BPTF: variants seen among roughly 807,000 people sequenced by gnomAD.
BPTF encodes bromodomain PHD finger transcription factor, also known as nucleosome-remodeling factor subunit BPTF.
BPTF carries 18 observed loss-of-function variants against 292.5 expected under a neutral mutation model. The observed-to-expected ratio is 0.06, with a 90% CI of 0.04 to 0.09. BPTF has a LOEUF of 0.09. Ranked by LOEUF, BPTF falls within the 10% of genes least tolerant of loss-of-function variation. BPTF has a pLI of 1.00. For missense variants in BPTF, 2,726 were observed against 3,498.7 expected (o/e 0.78, Z 5.57); for synonymous variants, 1,225 against 1,251.9 (o/e 0.98, Z 0.45).
chr17:67,982,119 A>G (rs1466432758), intron 27 of BPTF, 133 bp from the exon 28 acceptor site: 5 of 812,438 alleles, frequency 6.2e-6, no homozygotes, highest in East Asian at 2.6e-5. Flanking sequence ...GTTCTTTTCT[A>G]TTCGCTTGCC....
chr17:67,901,082 G>A (rs2061803692), intron 7 of BPTF, among the ~76,000 whole-genome samples: 1 of 151,966 alleles, frequency 6.6e-6, no homozygotes, highest in African/African-American at 2.4e-5. Context: ...AAAAATAGAT[G>A]TTAGTGAAAA....
In BPTF at chr17:67,912,403, A is replaced by G. The variant is rs1454329121; in HGVS notation, c.4519A>G (p.Thr1507Ala). The G allele has an allele frequency of 2.5e-6, 4 of 1,614,138 alleles. No individual in the cohort carries two copies. In the East Asian group the frequency reaches 8.9e-5, roughly 36 times the overall value. The stretch of plus-strand genomic sequence containing the variant: ...AGATAGCCTTGAGACCCTGCCATCA[A>G]CCAAAGAGTCTGACAGTACACAGAC... Reference protein sequence around the residue: ...YRDSLETLPSTKESDSTQTTT... With the variant: ...YRDSLETLPSAKESDSTQTTT... The change falls in exon 11 of 28, where the codon ACC (threonine) becomes GCC (alanine). Residue 1507 changes from threonine to alanine, a missense_variant. By Grantham distance (58) the Thr-to-Ala change is moderately conservative (BLOSUM62 0). This residue lies in a region of BPTF where 713 missense variants were observed against 714.9 expected (regional missense o/e 1.00). Coordinates refer to ENST00000306378, the MANE Select transcript of BPTF (RefSeq NM_182641.4).
At chr17:67,938,994 T>C (rs926490732) in intron 18 of BPTF, among the ~76,000 whole-genome samples, 14 of 152,300 alleles carry the variant, frequency 9.2e-5, no homozygotes, top group African/African-American at 2.9e-4. Context: ...TATTTTACTT[T>C]ACTGGTGATA....
At position 67,909,688 on chromosome 17, in the gene BPTF, A is replaced by G; in HGVS notation, c.2919A>G (p.Lys973=). ...CTGATTCTGAAAAAGATGAGGTAAA[A>G]GGTTCAGATGCTGCAAAAGGAGCAG... The part of the protein sequence containing the change: ...IEPDSEKDEV[K]GSDAAKGADQ... Residue 973 remains lysine, a synonymous_variant, in exon 10 of 28, where the codon AAA becomes AAG. Coordinates refer to ENST00000306378, the MANE Select transcript of BPTF (RefSeq NM_182641.4). 1 of 1,601,958 alleles carries G rather than the reference A, an allele frequency of 6.2e-7. No homozygotes were observed. Among genetic ancestry groups the G allele is most frequent in the Admixed American group, 1.7e-5 (1 of 57,790 alleles).
At chr17:67,845,808 CTA>C (rs1046081371) in intron 1 of BPTF, among the ~76,000 whole-genome samples, 1 of 149,300 alleles carries the variant, frequency 6.7e-6, no homozygotes, top group East Asian at 1.9e-4. Flanking sequence ...ATATTTATAA[CTA>C]TGTATTTATA....
chr17:67,947,617 C>T, intron 21 of BPTF, 109 bp from the exon 22 acceptor site: 1 of 818,606 alleles, frequency 1.2e-6, no homozygotes, highest in Middle Eastern at 3.6e-4. Flanking sequence ...AAAATTCTTA[C>T]AGTTTCTTTA....
At chr17:67,910,739 G>A (rs1478691729) in intron 10 of BPTF, 138 bp from the exon 11 acceptor site, 8 of 483,928 alleles carry the variant, frequency 1.7e-5, no homozygotes, top group Middle Eastern at 6.4e-4. Flanking sequence ...GGCGGAGGTT[G>A]CAGTGAACTG....
chr17:67,930,563 GA>G (rs2064292343), intron 17 of BPTF, among the ~76,000 whole-genome samples: 1 of 152,060 alleles, frequency 6.6e-6, no homozygotes, highest in Admixed American at 6.6e-5. Flanking sequence ...TAGCATTGTG[GA>G]AAAAGGTTTA....
intron 19 of BPTF, among the ~76,000 whole-genome samples, chr17:67,941,133 C>T (rs550801481): frequency 1.7e-4 from 26 of 152,088 alleles, no homozygotes; most frequent in Non-Finnish European, 3.4e-4. Flanking sequence ...GATTATTTGC[C>T]CTATATATGA....
chr17:67,935,575 G>A (rs1023362996), intron 18 of BPTF, among the ~76,000 whole-genome samples: 2 of 152,278 alleles, frequency 1.3e-5, no homozygotes, highest in African/African-American at 4.8e-5. Flanking sequence ...CACAGAATTA[G>A]GAATGAAAAA....
At chr17:67,979,493 A>G (rs2070049090) in intron 27 of BPTF, among the ~76,000 whole-genome samples, 1 of 151,978 alleles carries the variant, frequency 6.6e-6, no homozygotes, top group African/African-American at 2.4e-5. Context: ...GCAGTGCACC[A>G]AGACCGCGCC....
chr17:67,894,801 C>T (rs537334473), intron 7 of BPTF, among the ~76,000 whole-genome samples: 2 of 152,308 alleles, frequency 1.3e-5, no homozygotes, highest in South Asian at 4.1e-4. Flanking sequence ...ATCTGATTTA[C>T]ATCTGTTTTT....
At chr17:67,935,125 G>C (rs1027117425) in intron 18 of BPTF, among the ~76,000 whole-genome samples, 3 of 151,642 alleles carry the variant, frequency 2.0e-5, no homozygotes, top group Non-Finnish European at 4.4e-5. Context: ...TATAAAACAA[G>C]TTTCGAAAGA....
At chr17:67,964,468 C>T in intron 25 of BPTF, 64 bp downstream of exon 25, 1 of 1,502,894 alleles carries the variant, frequency 6.7e-7, no homozygotes, top group South Asian at 1.2e-5. Flanking sequence ...GGAAGCATTT[C>T]TAGGATTTCA....
At chr17:67,884,146 T>C (rs28631860) in intron 4 of BPTF, among the ~76,000 whole-genome samples, 3 of 141,726 alleles carry the variant, frequency 2.1e-5, no homozygotes, top group East Asian at 1.9e-4. Context: ...TTCTTTTTTT[T>C]TTTTTTTTTT....
chr17:67,843,217 GAT>G (rs2057718061), intron 1 of BPTF, among the ~76,000 whole-genome samples: 2 of 144,510 alleles, frequency 1.4e-5, no homozygotes, highest in Non-Finnish European at 3.0e-5. Context: ...GATGTATGTA[GAT>G]ATATACCTAT....
At chr17:67,923,056 CTTTTTT>C in intron 14 of BPTF, 66 bp downstream of exon 14, 10 of 1,208,164 alleles carry the variant, frequency 8.3e-6, no homozygotes, top group Non-Finnish European at 8.9e-6. Flanking sequence ...CAATAAATTA[CTTTTTT>C]TTTTTTTTTT....
chr17:67,873,287 G>T (rs547048119), intron 3 of BPTF, among the ~76,000 whole-genome samples: 1 of 151,656 alleles, frequency 6.6e-6, no homozygotes, highest in African/African-American at 2.4e-5. Flanking sequence ...GTGAAACCCC[G>T]TCTCTACTAA....
intron 9 of BPTF, among the ~76,000 whole-genome samples, chr17:67,908,573 G>T (rs1234728418): frequency 6.9e-6 from 1 of 144,186 alleles, no homozygotes; most frequent in Non-Finnish European, 1.5e-5. Context: ...GTTCACTGCA[G>T]CCTCCAACTC....
Sources: gnomAD v4.1 joint callset for allele counts (sites outside exome capture counted in the v4.1 genomes callset) on GRCh38, gnomAD v4.1.1 for gene constraint, gnomAD v4.1.1 regional missense constraint, MANE v1.5 for transcripts, NCBI Gene and HGNC (gene_info 2026-07-23, HGNC 2026-07-21) for gene names.